The following AP2A1 variants were observed in gnomAD, a reference collection of about 807,000 sequenced individuals.
The protein encoded by AP2A1 is AP-2 complex subunit alpha-1.
In AP2A1, 21 loss-of-function variants were observed where a neutral mutation model predicts 107.3. That is an observed-to-expected ratio of 0.20 (90% confidence interval 0.14 to 0.28). The LOEUF (loss-of-function observed/expected upper bound fraction) is 0.28. Among genes scored for constraint, AP2A1 ranks in the 10% least tolerant of loss-of-function variants. The probability of loss-of-function intolerance (pLI) is 1.00; values close to 1 mark genes in which losing one functional copy is unlikely to be tolerated. For missense variants in AP2A1, 873 were observed against 1,307.7 expected (o/e 0.67, Z 5.13); for synonymous variants, 602 against 564.8 (o/e 1.07, Z -0.93).
Position 49,807,090 on chromosome 19 carries a change from G to A in AP2A1, c.*332G>A, listed in dbSNP as rs1346005669. The A allele has an allele frequency of 6.7e-7, 1 of 1,492,348 alleles. No homozygotes were observed. Among genetic ancestry groups the A allele is most frequent in the Non-Finnish European group, 9.0e-7 (1 of 1,105,806 alleles). The allele number at this position is 1,492,348 out of a possible 1,614,324, so 92.4% of individuals were successfully genotyped here. On this transcript the variant is annotated 3_prime_UTR_variant, in exon 23 of 23. Transcript: ENST00000354293. ...ATCCAGGGGCTGTGTATTATTGTGA[G>A]CGAATAAACAGAGAGACGCTAACAG...
At chr19:49,767,396 TGAC>T (rs1462100271) in intron 1 of AP2A1, among the ~76,000 whole-genome samples, 196 bp downstream of exon 1, 1 of 150,890 alleles carries the variant, frequency 6.6e-6, no homozygotes, top group Non-Finnish European at 1.5e-5. Flanking sequence ...CCTCTTGAGG[TGAC>T]GACACGGAGT....
At chr19:49,800,510 T>C (rs1291466668) in intron 11 of AP2A1, among the ~76,000 whole-genome samples, 1 of 152,050 alleles carries the variant, frequency 6.6e-6, no homozygotes, top group Non-Finnish European at 1.5e-5. Context: ...CAGGCTGGAG[T>C]GGGGAGTGAG....
At position 49,801,575 on chromosome 19, in the gene AP2A1, C is replaced by T. The variant is rs1328424835; in HGVS notation, c.1739C>T (p.Ala580Val). 1 of 1,613,442 alleles carries T rather than the reference C, an allele frequency of 6.2e-7. No homozygotes were observed. Among genetic ancestry groups the T allele is most frequent in the Non-Finnish European group, 8.5e-7 (1 of 1,179,798 alleles). The part of the protein sequence containing the change: ...RNADVELQQR[A>V]VEYLTLSSVA... ...GCTGACGTGGAGCTGCAGCAGCGAG[C>T]CGTGGAGTACCTCACCCTCAGCTCA... Residue 580 changes from alanine to valine, a missense_variant, in exon 13 of 23, where the codon GCC becomes GTC. Around this residue, in one of 4 missense-constraint regions of AP2A1, gnomAD observed 213 missense variants for 443.5 expected, o/e 0.48. Transcript: ENST00000354293.
chr19:49,795,914 G>A (rs989410985), intron 7 of AP2A1, among the ~76,000 whole-genome samples, 176 bp downstream of exon 7: 10 of 152,114 alleles, frequency 6.6e-5, no homozygotes, highest in Admixed American at 2.0e-4. Context: ...CAGGCAGCCC[G>A]AGGCCCAGCG....
At chr19:49,776,441 T>C (rs2123675403) in intron 1 of AP2A1, among the ~76,000 whole-genome samples, 1 of 152,240 alleles carries the variant, frequency 6.6e-6, no homozygotes, top group Non-Finnish European at 1.5e-5. Flanking sequence ...AGCCCCGAAA[T>C]GTGTATACCT....
At chr19:49,801,944 C>T (rs1310694678) in intron 14 of AP2A1, 37 bp from the exon 15 acceptor site, 1 of 1,458,438 alleles carries the variant, frequency 6.9e-7, no homozygotes, top group African/African-American at 1.4e-5. Context: ...TCCTGCCGGG[C>T]GCCGCCTGTC....
chr19:49,792,090 G>A (rs770836220), intron 5 of AP2A1, 26 bp downstream of exon 5: 9 of 1,604,430 alleles, frequency 5.6e-6, no homozygotes, highest in South Asian at 3.3e-5. Context: ...TCACACCCCC[G>A]GATACCCAGG....
intron 22 of AP2A1, 68 bp from the exon 23 acceptor site, chr19:49,806,613 T>G: frequency 1.2e-6 from 2 of 1,601,886 alleles, no homozygotes; most frequent in Non-Finnish European, 1.7e-6. Context: ...TCCTTCTATC[T>G]CCCTTGGGTC....
chr19:49,791,778 G>A (rs967749111), intron 4 of AP2A1, 157 bp from the exon 5 acceptor site: 23 of 855,314 alleles, frequency 2.7e-5, no homozygotes, highest in African/African-American at 3.4e-5. Context: ...CTGGTGGGCC[G>A]TGAGGTCAGC....
chr19:49,790,293 C>A (rs1021666557), intron 4 of AP2A1, among the ~76,000 whole-genome samples: 2 of 152,208 alleles, frequency 1.3e-5, no homozygotes, highest in African/African-American at 4.8e-5. Flanking sequence ...TCTGTTCCAT[C>A]CTCACATCAT....
chr19:49,793,095 G>A lies in AP2A1; in HGVS notation c.705+3G>A, dbSNP rs1256150140. 1 of 1,598,030 alleles carries A rather than the reference G, an allele frequency of 6.3e-7. No individual in the cohort carries two copies. On this transcript the variant is annotated splice_donor_region_variant and intron_variant, in intron 6 of 22. Transcript: ENST00000354293. ...TGGCTGTGTCGCGCCTGAGCCGGGT[G>A]GGTGTGGCCTAGATATTGGCTGCTG...
rs1168999696 is a variant in AP2A1, at chr19:49,791,982, G to C, written c.521G>C (p.Arg174Pro). 6.8e-6 allele frequency: 11 copies of C among 1,612,440 alleles called. No individual in the cohort carries two copies. The highest frequency in any genetic ancestry group is 1.3e-5 in the African/African-American group (1 of 74,802). ...CAGAGTGCGGCCCTGTGCCTCCTTC[G>C]ACTGTACAAGGCCTCGCCTGACCTG... ...VKQSAALCLL[R>P]LYKASPDLVP... The change falls in exon 5 of 23, where the codon CGA (arginine) becomes CCA (proline). Residue 174 changes from arginine (R) to proline (P), a missense_variant. Arg to Pro is a moderately radical substitution (Grantham distance 103). Transcript: ENST00000354293.
rs1442793390 is a variant in AP2A1 at position 49,802,117 on chromosome 19, C to T, written c.2090C>T (p.Pro697Leu). 4 of 1,582,430 alleles carry T rather than the reference C, an allele frequency of 2.5e-6. No individual in the cohort carries two copies. The highest frequency in any genetic ancestry group is 2.6e-6 in the Non-Finnish European group (3 of 1,170,970). The change falls in exon 15 of 23, where the codon CCC (proline) becomes CTC (leucine). Residue 697 changes from proline to leucine, a missense_variant. Coordinates refer to ENST00000354293, the MANE Select transcript of AP2A1 (RefSeq NM_130787.3). ...CCGGCCGCCCAGCCCAGCCTGGGGC[C>T]CACCCCCGAGGAGGCCTTCCTCAGG... ...DGPAAQPSLG[P>L]TPEEAFLSPG... is the part of the protein sequence containing the mutation.
At chr19:49,768,040 G>A (rs762411526) in intron 1 of AP2A1, among the ~76,000 whole-genome samples, 41 of 151,928 alleles carry the variant, frequency 2.7e-4, no homozygotes, top group Non-Finnish European at 4.7e-4. Context: ...AAGAAGGAGC[G>A]CCCAGACCTC....
rs769863924 is a variant in AP2A1, at chr19:49,788,717, C to T, written c.474-3218C>T. Among the ~76,000 whole-genome samples, 1 of 152,078 alleles carries T rather than the reference C, an allele frequency of 6.6e-6. No individual in the cohort carries two copies. The highest frequency in any genetic ancestry group is 1.5e-5 in the Non-Finnish European group (1 of 68,018). Reference sequence around the variant, plus strand: ...AGGGCTCGGGAGATGCGCGCCGTGACGGAGATGGGAAAGTGGCCTGGAGTC... The same window carrying T: ...AGGGCTCGGGAGATGCGCGCCGTGATGGAGATGGGAAAGTGGCCTGGAGTC... On this transcript the variant is annotated intron_variant, in intron 4 of 22. Transcript: ENST00000354293. The surrounding 1 kb of genome is among the most constrained non-coding windows in gnomAD (Gnocchi z 4.5).
chr19:49,779,451 A>T (rs1323619335), intron 1 of AP2A1, among the ~76,000 whole-genome samples: 1 of 134,340 alleles, frequency 7.4e-6, no homozygotes, highest in Non-Finnish European at 1.5e-5. Context: ...GGTTGCAGTG[A>T]GCCGAGATTG....
intron 18 of AP2A1, chr19:49,803,613 G>C (rs943766594): frequency 8.9e-5 from 49 of 553,408 alleles, no homozygotes; most frequent in African/African-American, 8.1e-4. Flanking sequence ...ACCTGCTCCA[G>C]GCCTCATTTT....
chr19:49,806,955 G>A lies in AP2A1; in HGVS notation c.*197G>A, dbSNP rs1369195763. On this transcript the variant is annotated 3_prime_UTR_variant, in exon 23 of 23. Coordinates refer to ENST00000354293, the MANE Select transcript of AP2A1 (RefSeq NM_130787.3). ...TTTACATTCTGGGGGGTTAGGGGGA[G>A]TCCCCCTCCCTCCCTTTCCCCCCCA... 19 of 1,533,294 alleles carry A rather than the reference G, an allele frequency of 1.2e-5. No individual in the cohort carries two copies. The East Asian group carries it at 3.4e-4, about 28-fold the overall frequency. The allele number at this position is 1,533,294 out of a possible 1,614,324, so 95.0% of individuals were successfully genotyped here. A position where few individuals can be genotyped will look rare whatever the true frequency, so the allele number is the denominator to read the frequency against.
Position 49,801,679 on chromosome 19 carries a change from T to G in AP2A1, c.1786-43T>G, listed in dbSNP as rs1448454048. On this transcript the variant is annotated intron_variant, in intron 13 of 22. Transcript: ENST00000354293. ...TGCACACCCCCTTCCCGCCCTCCCCTCCTCCTGACCCGAACTGACCTTCCC... is the reference window on the plus strand; with the variant it reads ...TGCACACCCCCTTCCCGCCCTCCCCGCCTCCTGACCCGAACTGACCTTCCC... The G allele has an allele frequency of 2.0e-5, 9 of 448,722 alleles. No individual in the cohort carries two copies. The African/African-American group carries it at 4.9e-4, about 24-fold the overall frequency. 27.8% of individuals were successfully genotyped at this position (448,722 alleles called of 1,614,324 possible). A position where few individuals can be genotyped will look rare whatever the true frequency, so the allele number is the denominator to read the frequency against.
Sources: gnomAD v4.1 joint callset for allele counts (sites outside exome capture counted in the v4.1 genomes callset) on GRCh38, gnomAD v4.1.1 for gene constraint, gnomAD v4.1.1 regional missense constraint, Gnocchi (gnomAD v3.1) non-coding constraint, MANE v1.5 for transcripts, NCBI Gene and HGNC (gene_info 2026-07-23, HGNC 2026-07-21) for gene names.